Variants in RUVBL1 observed in about 807,000 individuals in gnomAD.
RUVBL1 encodes RuvB like AAA ATPase 1, also known as ruvB-like 1.
In RUVBL1, 4 loss-of-function variants were observed where a neutral mutation model predicts 52.4. The ratio of observed to expected loss-of-function variants is 0.08; its 90% CI spans 0.04 to 0.17. RUVBL1 has a LOEUF of 0.17. RUVBL1 is among the 10% of genes least tolerant of loss of function. The pLI is 1.00. For synonymous variants in RUVBL1, 217 were observed against 214.4 expected, an observed-to-expected ratio of 1.01 and a Z score of -0.10; for missense variants, 298 against 572.8, an observed-to-expected ratio of 0.52 and a Z score of 4.90.
Position 128,140,228 on chromosome 3 carries a change from G to GTTTTTT in RUVBL1, c.-40+12974_-40+12975insAAAAAA, listed in dbSNP as rs372296453. Among the ~76,000 whole-genome samples the GTTTTTT allele has an allele frequency of 1.2e-3, 63 of 53,432 alleles. 4 individuals carry two copies. Among genetic ancestry groups the GTTTTTT allele is most frequent in the East Asian group, 9.5e-3 (28 of 2,948 alleles). The allele number at this position is 53,432 out of a possible 152,430, so 35.1% of individuals were successfully genotyped here. A position where few individuals can be genotyped will look rare whatever the true frequency, so the allele number is the denominator to read the frequency against. On this transcript the variant is annotated intron_variant, in intron 1 of 9. Coordinates refer to the RUVBL1 transcript ENST00000464873. ...TGATATGATACAAGTTTTTTTGTTT[G>GTTTTTT]TTTGTTTTTTTTTTTTTTGAGACGG... is the stretch of plus-strand genomic sequence containing the variant.
chr3:128,121,555 C>CA (rs1294390080), intron 1 of RUVBL1, among the ~76,000 whole-genome samples: 1 of 150,816 alleles, frequency 6.6e-6, no homozygotes, highest in Non-Finnish European at 1.5e-5. Context: ...ACTAAATATA[C>CA]AAAAATTAGC....
chr3:128,118,748 C>T (rs1943580251), intron 2 of RUVBL1, among the ~76,000 whole-genome samples: 1 of 152,226 alleles, frequency 6.6e-6, no homozygotes, highest in Non-Finnish European at 1.5e-5. Context: ...GCCCACAGTG[C>T]TGCCTCCTTA....
chr3:128,098,754 T>C (rs960478371), intron 7 of RUVBL1, 128 bp downstream of exon 7: 1 of 782,272 alleles, frequency 1.3e-6, no homozygotes, highest in East Asian at 2.5e-5. Flanking sequence ...AGCTCTAAGC[T>C]ATGAGGAAGA....
chr3:128,078,416 G>A (rs559090240), downstream of RUVBL1, among the ~76,000 whole-genome samples: 9 of 152,322 alleles, frequency 5.9e-5, no homozygotes, highest in African/African-American at 1.4e-4. Context: ...CCAGGGACGC[G>A]TCTTTCAAGA....
exon 1 of RUVBL1, chr3:128,153,426 G>C: frequency 7.0e-7 from 1 of 1,419,944 alleles, no homozygotes; most frequent in Non-Finnish European, 9.1e-7. Flanking sequence ...TTACGGGGGG[G>C]CAACTTAACG....
exon 10 of RUVBL1, chr3:128,065,104 C>A: frequency 6.7e-7 from 1 of 1,488,268 alleles, no homozygotes; most frequent in Non-Finnish European, 9.4e-7. Flanking sequence ...GCCTTGTGTG[C>A]AGTCCCCCAC....
At chr3:128,074,855 A>C (rs1942263276) in intron 9 of RUVBL1, among the ~76,000 whole-genome samples, 1 of 151,824 alleles carries the variant, frequency 6.6e-6, no homozygotes, top group Non-Finnish European at 1.5e-5. Flanking sequence ...AAAAAAAAAA[A>C]AAAAAAAAAA....
intron 9 of RUVBL1, among the ~76,000 whole-genome samples, chr3:128,073,608 C>T (rs1013059565): frequency 6.6e-6 from 1 of 152,224 alleles, no homozygotes; most frequent in African/African-American, 2.4e-5. Context: ...CCTCACTCCC[C>T]TGCCCCAATC....
intron 1 of RUVBL1, among the ~76,000 whole-genome samples, chr3:128,136,618 C>A (rs1389417023): frequency 4.8e-5 from 5 of 104,740 alleles, no homozygotes; most frequent in Non-Finnish European, 1.0e-4. Context: ...AGAGTGAGAC[C>A]CTGTCAAAAA....
At chr3:128,100,470 CA>C (rs1943086248) in intron 6 of RUVBL1, 124 bp downstream of exon 6, 1 of 1,143,518 alleles carries the variant, frequency 8.7e-7, no homozygotes, top group Non-Finnish European at 1.2e-6. Flanking sequence ...AATTGCTGAA[CA>C]TTACAGATAG....
intron 1 of RUVBL1, among the ~76,000 whole-genome samples, chr3:128,151,024 A>AT (rs1944198689): frequency 4.7e-5 from 4 of 84,890 alleles, no homozygotes; most frequent in Non-Finnish European, 2.0e-5. Flanking sequence ...TTATATATAT[A>AT]ATATATATTC....
intron 3 of RUVBL1, among the ~76,000 whole-genome samples, chr3:128,106,006 ATTACAGGCGT>A (rs1278747101): frequency 6.6e-6 from 1 of 151,436 alleles, no homozygotes; most frequent in Non-Finnish European, 1.5e-5. Flanking sequence ...AGTAGCTGGG[ATTACAGGCGT>A]GCACCACCAC....
chr3:128,101,567 C>A lies in RUVBL1; in HGVS notation c.595G>T (p.Ala199Ser). ...DVIYIEANSGAVKRQGRCDTY... is the reference protein window; with the variant it reads ...DVIYIEANSGSVKRQGRCDTY... ...CCCAAGGAAGGCATTACCTTCACGG[C>A]CCCACTGTTGGCTTCAATGTAAATC... Residue 199 changes from alanine to serine, a missense_variant, in exon 5 of 11, where the codon GCC (alanine) becomes TCC (serine). Coordinates refer to ENST00000322623, the MANE Select transcript of RUVBL1 (RefSeq NM_003707.3). 6.2e-7 allele frequency: 1 copy of A among 1,613,922 alleles called. No individual in the cohort carries two copies. Among genetic ancestry groups the A allele is most frequent in the Non-Finnish European group, 8.5e-7 (1 of 1,179,882 alleles).
chr3:128,150,613 G>GT (rs1944171390), intron 1 of RUVBL1, among the ~76,000 whole-genome samples: 1 of 114,870 alleles, frequency 8.7e-6, no homozygotes, highest in African/African-American at 3.4e-5. Flanking sequence ...AGAACTAATA[G>GT]AATATATATT....
intron 9 of RUVBL1, among the ~76,000 whole-genome samples, chr3:128,086,573 C>T (rs1942651723): frequency 6.6e-6 from 1 of 152,240 alleles, no homozygotes; most frequent in Non-Finnish European, 1.5e-5. Context: ...AAGAGCACAG[C>T]ACATGCTGCC....
At chr3:128,097,998 T>C (rs1943024697) in intron 7 of RUVBL1, among the ~76,000 whole-genome samples, 1 of 152,192 alleles carries the variant, frequency 6.6e-6, no homozygotes, top group Non-Finnish European at 1.5e-5. Context: ...ATCAAGTGCC[T>C]GGACTAAGGA....
chr3:128,078,325 G>A (rs1942385667), downstream of RUVBL1, among the ~76,000 whole-genome samples: 2 of 152,236 alleles, frequency 1.3e-5, no homozygotes, highest in African/African-American at 4.8e-5. Context: ...TCTGGCAGGT[G>A]CAACCCTAAG....
chr3:128,071,323 A>C (rs937612209), intron 9 of RUVBL1: 1 of 152,494 alleles, frequency 6.6e-6, no homozygotes, highest in Non-Finnish European at 1.5e-5. Context: ...TTGAGACCTG[A>C]TGCCCTCCTA....
At position 128,082,734 on chromosome 3, in the gene RUVBL1, C is replaced by T. The variant is rs1942517513; in HGVS notation, c.1120-160G>A. 1.3e-5 allele frequency: 8 copies of T among 593,726 alleles called. No individual in the cohort carries two copies. The highest frequency in any genetic ancestry group is 1.2e-4 in the South Asian group (6 of 50,528). The allele number at this position is 593,726 out of a possible 1,614,324, so 36.8% of individuals were successfully genotyped here. On this transcript the variant is annotated intron_variant, in intron 9 of 10. Transcript: ENST00000322623. This position sits in a 1 kb window ranked among gnomAD's most constrained non-coding sequence, Gnocchi z 4.7. Reference sequence around the variant, plus strand: ...GGAGCCAACGCCTGCCCAGCACTGCCGGCCCGGCACCCTCCAGGAGGCATG... The same window carrying T: ...GGAGCCAACGCCTGCCCAGCACTGCTGGCCCGGCACCCTCCAGGAGGCATG...
Sources: gnomAD v4.1 joint callset for allele counts (sites outside exome capture counted in the v4.1 genomes callset) on GRCh38, gnomAD v4.1.1 for gene constraint, Gnocchi (gnomAD v3.1) non-coding constraint, MANE v1.5 for transcripts, NCBI Gene and HGNC (gene_info 2026-07-23, HGNC 2026-07-21) for gene names.